Variants in KIF1A observed in about 807,000 individuals in gnomAD.
KIF1A encodes kinesin-like protein KIF1A.
A neutral mutation model predicts 227.3 loss-of-function variants in KIF1A; 46 were observed. The ratio of observed to expected loss-of-function variants is 0.20; its 90% confidence interval spans 0.16 to 0.26. The LOEUF is 0.26. Among genes scored for constraint, KIF1A ranks in the 10% least tolerant of loss-of-function variants. The pLI is 1.00. For missense variants in KIF1A, 1,683 were observed against 2,485.9 expected (o/e 0.68, Z 6.87); for synonymous variants, 1,022 against 1,012.8 (o/e 1.01, Z -0.17).
At chr2:240,795,252 A>G (rs1575649986) in intron 2 of KIF1A, among the ~76,000 whole-genome samples, 1 of 152,190 alleles carries the variant, frequency 6.6e-6, no homozygotes, top group Non-Finnish European at 1.5e-5. Flanking sequence ...CTGCTGGCAC[A>G]TAGGCGAAAT....
In KIF1A at chr2:240,758,640, T is replaced by C; in HGVS notation, c.2445-143A>G. The C allele has an allele frequency of 1.2e-6, 1 of 808,760 alleles. No homozygotes were observed. Among genetic ancestry groups the C allele is most frequent in the Non-Finnish European group, 1.8e-6 (1 of 565,810 alleles). 50.1% of individuals were successfully genotyped at this position (808,760 alleles called of 1,614,324 possible). A position where few individuals can be genotyped will look rare whatever the true frequency, so the allele number is the denominator to read the frequency against. Reference sequence around the variant, plus strand: ...CAGGGTCATCAAGGTCCAGGGGGCTTGCTAGACAGACCCCCTCTGTGACCC... The same window carrying C: ...CAGGGTCATCAAGGTCCAGGGGGCTCGCTAGACAGACCCCCTCTGTGACCC... On this transcript the variant is annotated intron_variant, in intron 25 of 48. Transcript: ENST00000498729. The surrounding 1 kb of genome is among the most constrained non-coding windows in gnomAD (Gnocchi z 5.2).
upstream of KIF1A, among the ~76,000 whole-genome samples, chr2:240,820,475 A>G (rs75953596): frequency 0.61 from 91,439 of 150,990 alleles, 27,692 homozygotes; most frequent in Admixed American, 0.68. The surrounding 1 kb of genome is among the most constrained non-coding windows in gnomAD (Gnocchi z 6.2). Flanking sequence ...GCTCGGACGC[A>G]GCGTCCCCTC....
At chr2:240,720,813 T>G in intron 45 of KIF1A, 101 bp downstream of exon 45, 61 of 1,363,552 alleles carry the variant, frequency 4.5e-5, no homozygotes, top group Middle Eastern at 2.7e-4. Flanking sequence ...CACTCGGCCA[T>G]TGGGGCCCCC....
At chr2:240,813,647 C>A (rs985448758) in intron 1 of KIF1A, among the ~76,000 whole-genome samples, 1 of 152,142 alleles carries the variant, frequency 6.6e-6, no homozygotes, top group Non-Finnish European at 1.5e-5. Context: ...TAAGCCAGGG[C>A]CTGCCATGGA....
rs1312891793 is a variant in KIF1A at position 240,766,747 on chromosome 2, TCTCA to T, written c.1684+164_1684+167del. Reference sequence around the variant, plus strand: ...ATCTCTCTCTCTCTCTCTCTCTCTCTCTCACACACACACACACACACACACACAC... The same window carrying T: ...ATCTCTCTCTCTCTCTCTCTCTCTCTCACACACACACACACACACACACAC... On this transcript the variant is annotated intron_variant, in intron 19 of 48. Coordinates refer to ENST00000498729, the MANE Select transcript of KIF1A (RefSeq NM_001244008.2). The surrounding 1 kb of genome is among the most constrained non-coding windows in gnomAD (Gnocchi z 5.0). Among the ~76,000 whole-genome samples, 138 of 119,512 alleles carry T rather than the reference TCTCA, an allele frequency of 1.2e-3. No homozygotes were observed. The highest frequency in any genetic ancestry group is 1.6e-3 in the Non-Finnish European group (99 of 60,190). The allele number at this position is 119,512 out of a possible 152,430, so 78.4% of individuals were successfully genotyped here.
At position 240,758,334 on chromosome 2, in the gene KIF1A, T is replaced by C. The variant is rs968161569; in HGVS notation, c.2582+26A>G. The C allele has an allele frequency of 1.3e-6, 2 of 1,599,812 alleles. No homozygotes were observed. Among genetic ancestry groups the C allele is most frequent in the Admixed American group, 1.7e-5 (1 of 58,774 alleles). On this transcript the variant is annotated intron_variant, in intron 26 of 48. Coordinates refer to ENST00000498729, the MANE Select transcript of KIF1A (RefSeq NM_001244008.2). The surrounding 1 kb of genome is among the most constrained non-coding windows in gnomAD (Gnocchi z 5.2). ...ATCTCTCTCTCTCAATCTCTCTCTC[T>C]GCCAAGGAAGGGAGGAGGCGCCCAC...
At chr2:240,819,272 G>C (rs935015906) in intron 1 of KIF1A, among the ~76,000 whole-genome samples, 1 of 152,160 alleles carries the variant, frequency 6.6e-6, no homozygotes, top group Non-Finnish European at 1.5e-5. Flanking sequence ...CGTGTCATCC[G>C]AGCCCGGGCG....
At position 240,789,124 on chromosome 2, in the gene KIF1A, C is replaced by A. The variant is rs761784351; in HGVS notation, c.183+112G>T. 6 of 845,676 alleles carry A rather than the reference C, an allele frequency of 7.1e-6. No individual in the cohort carries two copies. The highest frequency in any genetic ancestry group is 1.2e-5 in the Non-Finnish European group (6 of 514,450). 52.4% of individuals were successfully genotyped at this position (845,676 alleles called of 1,614,324 possible). On this transcript the variant is annotated intron_variant, in intron 3 of 48. Coordinates refer to ENST00000498729, the MANE Select transcript of KIF1A (RefSeq NM_001244008.2). This position sits in a 1 kb window ranked among gnomAD's most constrained non-coding sequence, Gnocchi z 4.8. ...ACCTTCCAGGGGAGCAGGGTGGGGTCCTCGCCCCAGTTAGAGAGGAATGAG... is the reference window on the plus strand; with the variant it reads ...ACCTTCCAGGGGAGCAGGGTGGGGTACTCGCCCCAGTTAGAGAGGAATGAG...
intron 1 of KIF1A, among the ~76,000 whole-genome samples, chr2:240,806,232 TG>T (rs2057393116): frequency 6.6e-6 from 1 of 152,324 alleles, no homozygotes; most frequent in Non-Finnish European, 1.5e-5. Context: ...CAGAGGCAGC[TG>T]GAGGTTGTGA....
intron 38 of KIF1A, 22 bp downstream of exon 38, chr2:240,737,040 TC>T: frequency 6.4e-7 from 1 of 1,572,504 alleles, no homozygotes; most frequent in South Asian, 1.1e-5. Context: ...CTGGGCCCTG[TC>T]TCCAGGGAGT....
intron 7 of KIF1A, 58 bp from the exon 8 acceptor site, chr2:240,783,874 A>G: frequency 7.4e-7 from 1 of 1,345,658 alleles, no homozygotes; most frequent in South Asian, 1.3e-5. Flanking sequence ...GGGGCATCCC[A>G]GGACCCCTGG....
chr2:240,737,416 C>T lies in KIF1A; in HGVS notation c.3902-248G>A, dbSNP rs144854419. 501 of 361,706 alleles carry T rather than the reference C, an allele frequency of 1.4e-3. 3 individuals are homozygous for T. Among genetic ancestry groups the T allele is most frequent in the African/African-American group, 8.3e-3 (411 of 49,636 alleles). The allele number at this position is 361,706 out of a possible 1,614,324, so 22.4% of individuals were successfully genotyped here. On this transcript the variant is annotated intron_variant, in intron 37 of 48. Transcript: ENST00000498729. ...GCCACAGTGAACACCCCCGTATACACACACTGACAAATGCAGGTGCTTAGC... is the reference window on the plus strand; with the variant it reads ...GCCACAGTGAACACCCCCGTATACATACACTGACAAATGCAGGTGCTTAGC...
chr2:240,740,658 C>T lies in KIF1A; in HGVS notation c.3750-294G>A, dbSNP rs1489565265. Among the ~76,000 whole-genome samples, 1 of 152,088 alleles carries T rather than the reference C, an allele frequency of 6.6e-6. No homozygotes were observed. Among genetic ancestry groups the T allele is most frequent in the Non-Finnish European group, 1.5e-5 (1 of 67,994 alleles). ...GGATCTTTGTAAGTTCCCAAGGGTCCTCTGCTTCCCCTCATGCCCTGCAGA... is the reference window on the plus strand; with the variant it reads ...GGATCTTTGTAAGTTCCCAAGGGTCTTCTGCTTCCCCTCATGCCCTGCAGA... On this transcript the variant is annotated intron_variant, in intron 35 of 48. Transcript: ENST00000498729. This position sits in a 1 kb window ranked among gnomAD's most constrained non-coding sequence, Gnocchi z 6.1.
chr2:240,743,842 G>C (rs2048281733), intron 33 of KIF1A, 100 bp downstream of exon 33: 2 of 783,792 alleles, frequency 2.6e-6, no homozygotes, highest in South Asian at 1.7e-5. Context: ...TGGGTTTCAG[G>C]GGGTGCATAG....
chr2:240,814,362 C>T (rs533021847), intron 1 of KIF1A, among the ~76,000 whole-genome samples: 1 of 152,200 alleles, frequency 6.6e-6, no homozygotes, highest in Admixed American at 6.5e-5. Context: ...TGACCCTATC[C>T]TTAGAGTTCC....
At chr2:240,730,161 GA>G (rs2046441277) in intron 38 of KIF1A, among the ~76,000 whole-genome samples, 1 of 152,234 alleles carries the variant, frequency 6.6e-6, no homozygotes, top group South Asian at 2.1e-4. Flanking sequence ...TCCCAAGTGA[GA>G]TTAGAGGAGA....
chr2:240,782,025 C>T (rs1466063596), intron 10 of KIF1A: 1 of 985,412 alleles, frequency 1.0e-6, no homozygotes, highest in Non-Finnish European at 1.2e-6. Context: ...CCCTGTCTCA[C>T]GCATTCCCAC....
intron 1 of KIF1A, among the ~76,000 whole-genome samples, chr2:240,816,172 A>G (rs1023849292): frequency 1.3e-4 from 15 of 116,048 alleles, no homozygotes; most frequent in Non-Finnish European, 2.8e-4. Context: ...GTGTGTGTCT[A>G]TCTGCATGCA....
chr2:240,760,640 C>T (rs1293092796), intron 25 of KIF1A, 25 bp downstream of exon 25: 2 of 1,436,116 alleles, frequency 1.4e-6, no homozygotes, highest in Non-Finnish European at 1.8e-6. Context: ...CTCCCACCAT[C>T]CACCCAGCGG....
Sources: allele counts gnomAD v4.1 joint callset (sites outside exome capture counted in the v4.1 genomes callset), GRCh38; gene constraint gnomAD v4.1.1; non-coding constraint Gnocchi (gnomAD v3.1); transcripts MANE v1.5; gene names NCBI Gene and HGNC (gene_info 2026-07-23, HGNC 2026-07-21).